Variants in PLEKHM3 observed in about 807,000 individuals in gnomAD.
The protein encoded by PLEKHM3 is pleckstrin homology domain-containing family M member 3.
PLEKHM3 carries 45 observed loss-of-function variants against 81.8 expected under a neutral mutation model. That is an observed-to-expected ratio of 0.55 (90% CI 0.43 to 0.71). The LOEUF is 0.71. Among genes scored for constraint, PLEKHM3 ranks in the 30% least tolerant of loss-of-function variants. The pLI is 0.00. For synonymous variants in PLEKHM3, 352 were observed against 356.4 expected, an observed-to-expected ratio of 0.99 and a Z score of 0.14; for missense variants, 788 against 924.3, an observed-to-expected ratio of 0.85 and a Z score of 1.91.
chr2:207,998,146 G>A (rs78832133), intron 2 of PLEKHM3, among the ~76,000 whole-genome samples: 25 of 152,238 alleles, frequency 1.6e-4, no homozygotes, highest in African/African-American at 4.8e-4. Flanking sequence ...AGAGAATGCC[G>A]AAAGAAAAGG....
chr2:207,989,354 A>C (rs1161616951), intron 2 of PLEKHM3, among the ~76,000 whole-genome samples: 1 of 152,208 alleles, frequency 6.6e-6, no homozygotes, highest in Non-Finnish European at 1.5e-5. Context: ...AGTTCTTAAA[A>C]GTCTTGAGAA....
At chr2:207,944,845 C>G (rs2718663) in intron 4 of PLEKHM3, among the ~76,000 whole-genome samples, 49,515 of 152,092 alleles carry the variant, frequency 0.33, 8,223 homozygotes, top group Middle Eastern at 0.43. Flanking sequence ...ATAGTTTACA[C>G]CAGCATAGAA....
chr2:207,952,134 G>C (rs1484647116), intron 3 of PLEKHM3, among the ~76,000 whole-genome samples: 2 of 152,194 alleles, frequency 1.3e-5, no homozygotes, highest in South Asian at 2.1e-4. Context: ...AAAAGAAGGT[G>C]CCTTTGTAAA....
intron 1 of PLEKHM3, among the ~76,000 whole-genome samples, chr2:208,013,217 C>T (rs913138467): frequency 1.3e-5 from 2 of 152,188 alleles, no homozygotes; most frequent in African/African-American, 4.8e-5. Flanking sequence ...ATCATTCCTG[C>T]TCCAGCAATC....
At position 207,918,948 on chromosome 2, in the gene PLEKHM3, A is replaced by C. The variant is rs181776814; in HGVS notation, c.1887-10371T>G. On this transcript the variant is annotated intron_variant, in intron 5 of 7. Transcript: ENST00000427836. Reference sequence around the variant, plus strand: ...TAAGAGATGGAAACAGACAAAATAAAATACCATGTTTAATGGTAATAAGTA... The same window carrying C: ...TAAGAGATGGAAACAGACAAAATAACATACCATGTTTAATGGTAATAAGTA... Among the ~76,000 whole-genome samples, 320 of 152,262 alleles carry C rather than the reference A, an allele frequency of 2.1e-3. 2 individuals carry two copies. Among genetic ancestry groups the C allele is most frequent in the African/African-American group, 7.2e-3 (300 of 41,532 alleles).
At chr2:207,861,322 A>C (rs2092465866) in intron 6 of PLEKHM3, 60 bp from the exon 7 acceptor site, 1 of 1,506,600 alleles carries the variant, frequency 6.6e-7, no homozygotes, top group Admixed American at 2.1e-5. Context: ...TCTTGTACAC[A>C]CAGGAAAGGA....
chr2:207,951,949 C>A (rs906742758), intron 3 of PLEKHM3, among the ~76,000 whole-genome samples: 1 of 152,286 alleles, frequency 6.6e-6, no homozygotes, highest in South Asian at 2.1e-4. Flanking sequence ...TGGCTGGATC[C>A]AACTGAATCT....
intron 6 of PLEKHM3, among the ~76,000 whole-genome samples, chr2:207,904,461 T>C (rs1224627599): frequency 6.6e-6 from 1 of 152,230 alleles, no homozygotes; most frequent in African/African-American, 2.4e-5. Flanking sequence ...TGACTGTATG[T>C]AGTCAGATAA....
intron 1 of PLEKHM3, among the ~76,000 whole-genome samples, chr2:208,006,891 G>A (rs900107012): frequency 1.3e-5 from 2 of 152,136 alleles, no homozygotes; most frequent in Non-Finnish European, 2.9e-5. Context: ...GCATCAAAAC[G>A]AATCAGTGTA....
At chr2:207,859,505 T>TC (rs1187066215) in intron 7 of PLEKHM3, among the ~76,000 whole-genome samples, 10 of 152,170 alleles carry the variant, frequency 6.6e-5, no homozygotes, top group Admixed American at 6.5e-4. Context: ...GTTTATCCAT[T>TC]CATCAGTTGA....
chr2:207,895,203 C>T (rs961904197), intron 6 of PLEKHM3, among the ~76,000 whole-genome samples: 3 of 152,146 alleles, frequency 2.0e-5, no homozygotes, highest in Non-Finnish European at 2.9e-5. Flanking sequence ...TCCCTCTCTC[C>T]TCTTGGCTAA....
chr2:207,994,364 T>C (rs1036958427), intron 2 of PLEKHM3, among the ~76,000 whole-genome samples: 5 of 152,226 alleles, frequency 3.3e-5, no homozygotes, highest in African/African-American at 9.6e-5. Context: ...TTGGTGCTTA[T>C]GATTGTGTCA....
chr2:207,978,406 C>T (rs1210781772), intron 2 of PLEKHM3, among the ~76,000 whole-genome samples: 1 of 151,204 alleles, frequency 6.6e-6, no homozygotes, highest in East Asian at 2.0e-4. Flanking sequence ...ACCAAATACA[C>T]AAGAGAGAAC....
intron 7 of PLEKHM3, among the ~76,000 whole-genome samples, chr2:207,845,849 T>C (rs1472346142): frequency 6.6e-6 from 1 of 152,208 alleles, no homozygotes; most frequent in Non-Finnish European, 1.5e-5. Context: ...GGAGCTTACA[T>C]TATTTCAAAA....
chr2:207,869,491 C>T (rs1380071640), intron 6 of PLEKHM3, among the ~76,000 whole-genome samples: 2 of 152,064 alleles, frequency 1.3e-5, no homozygotes, highest in African/African-American at 4.8e-5. Flanking sequence ...ATGTCTTGTA[C>T]TAAGGAAGGT....
At chr2:208,018,649 T>C (rs1373229408) in intron 1 of PLEKHM3, among the ~76,000 whole-genome samples, 1 of 152,176 alleles carries the variant, frequency 6.6e-6, no homozygotes, top group Admixed American at 6.6e-5. Context: ...CTCCGTTGCC[T>C]TCATGCAATC....
intron 7 of PLEKHM3, among the ~76,000 whole-genome samples, chr2:207,846,875 A>G (rs961989484): frequency 3.3e-5 from 5 of 152,218 alleles, no homozygotes; most frequent in South Asian, 2.1e-4. Flanking sequence ...TTAAAAATAC[A>G]TATGTGTAGA....
At chr2:207,888,026 A>C (rs976625135) in intron 6 of PLEKHM3, among the ~76,000 whole-genome samples, 2 of 151,906 alleles carry the variant, frequency 1.3e-5, no homozygotes, top group Non-Finnish European at 2.9e-5. Flanking sequence ...CTGTCCATTC[A>C]ATGTAGGACA....
intron 6 of PLEKHM3, among the ~76,000 whole-genome samples, chr2:207,892,001 C>G (rs1343046803): frequency 6.6e-6 from 1 of 152,190 alleles, no homozygotes; most frequent in Admixed American, 6.5e-5. Context: ...CTTGGGCTCC[C>G]TGGCCTCGAA....
Sources: allele counts gnomAD v4.1 joint callset (sites outside exome capture counted in the v4.1 genomes callset), GRCh38; gene constraint gnomAD v4.1.1; transcripts MANE v1.5; gene names NCBI Gene and HGNC (gene_info 2026-07-23, HGNC 2026-07-21).